Variants in AGAP1 observed in about 807,000 individuals in gnomAD.
AGAP1 encodes arf-GAP with GTPase, ANK repeat and PH domain-containing protein 1.
AGAP1 carries 29 observed loss-of-function variants against 105.3 expected under a neutral mutation model. The observed-to-expected ratio is 0.28, with a 90% CI of 0.21 to 0.38. AGAP1 has a LOEUF of 0.38. Among genes scored for constraint, AGAP1 ranks in the 10% least tolerant of loss-of-function variants. The probability of loss-of-function intolerance (pLI) is 1.00; values close to 1 mark genes in which losing one functional copy is unlikely to be tolerated. For missense variants in AGAP1, 998 were observed against 1,165.1 expected, an observed-to-expected ratio of 0.86 and a Z score of 2.09; for synonymous variants, 509 against 485.9, an observed-to-expected ratio of 1.05 and a Z score of -0.63.
intron 1 of AGAP1, among the ~76,000 whole-genome samples, chr2:235,533,486 A>C (rs905621900): frequency 1.3e-5 from 2 of 152,214 alleles, no homozygotes; most frequent in African/African-American, 2.4e-5. Context: ...ATGTCAGATA[A>C]TTAGGAACTG....
At position 235,977,225 on chromosome 2, in the gene AGAP1, T is replaced by C. The variant is rs2054898725; in HGVS notation, c.1645+8602T>C. Among the ~76,000 whole-genome samples, 1 of 152,082 alleles carries C rather than the reference T, an allele frequency of 6.6e-6. No individual in the cohort carries two copies. Among genetic ancestry groups the C allele is most frequent in the Admixed American group, 6.6e-5 (1 of 15,254 alleles). Reference sequence around the variant, plus strand: ...CTTGGGAGACCCTGCATTGGTCGACTTTCATTAGAATCTAGGATCTGTCTT... The same window carrying C: ...CTTGGGAGACCCTGCATTGGTCGACCTTCATTAGAATCTAGGATCTGTCTT... On this transcript the variant is annotated intron_variant, in intron 13 of 17. Coordinates refer to ENST00000304032, the MANE Select transcript of AGAP1 (RefSeq NM_001037131.3). The surrounding 1 kb of genome is among the most constrained non-coding windows in gnomAD (Gnocchi z 5.2).
At chr2:236,052,816 G>A (rs2057942536) in intron 16 of AGAP1, among the ~76,000 whole-genome samples, 1 of 152,168 alleles carries the variant, frequency 6.6e-6, no homozygotes, top group Non-Finnish European at 1.5e-5. Context: ...AAGCACGTTA[G>A]AAAACAGAGC....
At chr2:235,587,255 C>T (rs940651621) in intron 1 of AGAP1, among the ~76,000 whole-genome samples, 2 of 152,130 alleles carry the variant, frequency 1.3e-5, no homozygotes, top group Admixed American at 6.6e-5. Context: ...GAGGGGAGGA[C>T]GGAGGAGTCC....
At chr2:235,613,815 G>C (rs1946219428) in intron 1 of AGAP1, among the ~76,000 whole-genome samples, 1 of 152,214 alleles carries the variant, frequency 6.6e-6, no homozygotes, top group Non-Finnish European at 1.5e-5. Flanking sequence ...GTAGAATGAG[G>C]CTCCTCCTGC....
chr2:235,988,687 AGAC>A lies in AGAP1; in HGVS notation c.1645+20067_1645+20069del, dbSNP rs1185493297. 6.6e-6 allele frequency among the ~76,000 whole-genome samples: 1 copy of A among 152,184 alleles called. No homozygotes were observed. Among genetic ancestry groups the A allele is most frequent in the African/African-American group, 2.4e-5 (1 of 41,458 alleles). On this transcript the variant is annotated intron_variant, in intron 13 of 17. Transcript: ENST00000304032. The surrounding 1 kb of genome is among the most constrained non-coding windows in gnomAD (Gnocchi z 4.7). ...GCCCAGTGGGTAAATGGAATCTTAA[AGAC>A]GAGAAATGATTATTTTTTTCCCGCC...
At chr2:235,603,088 T>A (rs1001224653) in intron 1 of AGAP1, among the ~76,000 whole-genome samples, 6 of 152,128 alleles carry the variant, frequency 3.9e-5, no homozygotes, top group African/African-American at 1.4e-4. Context: ...TTCCCACGTG[T>A]TGTGGGAGGG....
chr2:235,907,758 G>A (rs553845086), intron 10 of AGAP1, among the ~76,000 whole-genome samples: 4 of 151,974 alleles, frequency 2.6e-5, no homozygotes, highest in African/African-American at 4.8e-5. Flanking sequence ...ACATTCTCCC[G>A]TATACCTTAA....
rs551122041 is a variant in AGAP1, at chr2:235,582,676, T to G, written c.163+87827T>G. ...CGGAGTGTACTTCAGAAGGAAGGAT[T>G]TAGCTGCTGGAGTGATGGCCGAAGG... On this transcript the variant is annotated intron_variant, in intron 1 of 17. Transcript: ENST00000304032. This position sits in a 1 kb window ranked among gnomAD's most constrained non-coding sequence, Gnocchi z 4.7. Among the ~76,000 whole-genome samples, 12 of 152,324 alleles carry G rather than the reference T, an allele frequency of 7.9e-5. No individual in the cohort carries two copies. In the South Asian group the frequency reaches 2.5e-3, roughly 32 times the overall value.
At chr2:235,880,747 A>T (rs2049979346) in intron 9 of AGAP1, among the ~76,000 whole-genome samples, 1 of 152,084 alleles carries the variant, frequency 6.6e-6, no homozygotes, top group Non-Finnish European at 1.5e-5. Context: ...CTCAAAAAAA[A>T]AAAAAACAAA....
chr2:235,989,383 G>A lies in AGAP1; in HGVS notation c.1645+20760G>A, dbSNP rs1264940673. 6.6e-6 allele frequency among the ~76,000 whole-genome samples: 1 copy of A among 152,198 alleles called. No individual in the cohort carries two copies. Among genetic ancestry groups the A allele is most frequent in the South Asian group, 2.1e-4 (1 of 4,826 alleles). On this transcript the variant is annotated intron_variant, in intron 13 of 17. Coordinates refer to ENST00000304032, the MANE Select transcript of AGAP1 (RefSeq NM_001037131.3). The surrounding 1 kb of genome is among the most constrained non-coding windows in gnomAD (Gnocchi z 4.4). Reference sequence around the variant, plus strand: ...CCCTTCCCCCAACTGGAACCATGGAGGGAGGAAGAACAGACCAGGTGAAAA... The same window carrying A: ...CCCTTCCCCCAACTGGAACCATGGAAGGAGGAAGAACAGACCAGGTGAAAA...
intron 1 of AGAP1, among the ~76,000 whole-genome samples, chr2:235,580,439 G>T (rs973583589): frequency 6.6e-6 from 1 of 151,688 alleles, no homozygotes; most frequent in Non-Finnish European, 1.5e-5. Context: ...CTTTTCCCTC[G>T]GTGCTTGTTG....
At position 235,664,702 on chromosome 2, in the gene AGAP1, C is replaced by G. The variant is rs141483826; in HGVS notation, c.164-44477C>G. Among the ~76,000 whole-genome samples the G allele has an allele frequency of 2.6e-5, 4 of 152,280 alleles. No homozygotes were observed. Among genetic ancestry groups the G allele is most frequent in the African/African-American group, 9.6e-5 (4 of 41,558 alleles). ...TGGAAATGAAGTCTCAGTGTGGGGT[C>G]CGATGCTTCCTATGGCTGCATGGAG... On this transcript the variant is annotated intron_variant, in intron 1 of 17. Coordinates refer to ENST00000304032, the MANE Select transcript of AGAP1 (RefSeq NM_001037131.3). This position sits in a 1 kb window ranked among gnomAD's most constrained non-coding sequence, Gnocchi z 5.7.
At chr2:235,520,008 C>G (rs755021545) in intron 1 of AGAP1, among the ~76,000 whole-genome samples, 11 of 152,170 alleles carry the variant, frequency 7.2e-5, no homozygotes, top group Non-Finnish European at 1.2e-4. Flanking sequence ...TTTCGAACTA[C>G]TGACCTCAGG....
intron 1 of AGAP1, among the ~76,000 whole-genome samples, chr2:235,668,669 C>T (rs917674337): frequency 3.3e-5 from 5 of 152,160 alleles, no homozygotes; most frequent in Non-Finnish European, 5.9e-5. Context: ...TTGTGGCCTC[C>T]GATAACATCC....
intron 10 of AGAP1, among the ~76,000 whole-genome samples, chr2:235,897,557 C>CCA (rs1473206805): frequency 1.3e-5 from 2 of 152,082 alleles, no homozygotes; most frequent in Non-Finnish European, 2.9e-5. Flanking sequence ...ACCAGTATGC[C>CCA]GCGTGATATG....
At chr2:235,749,220 G>A (rs573167641) in intron 5 of AGAP1, among the ~76,000 whole-genome samples, 2,912 of 89,766 alleles carry the variant, frequency 0.032, 89 homozygotes, top group African/African-American at 0.097. Flanking sequence ...TAAAAAAAAA[G>A]AAAAAAAAAG....
intron 13 of AGAP1, among the ~76,000 whole-genome samples, chr2:235,972,861 G>A (rs1044735660): frequency 2.0e-5 from 3 of 152,182 alleles, no homozygotes; most frequent in Admixed American, 2.0e-4. Context: ...GCAGGGGTAT[G>A]TGCTCCCCTC....
intron 1 of AGAP1, among the ~76,000 whole-genome samples, chr2:235,598,560 C>A (rs1215272954): frequency 6.6e-6 from 1 of 152,190 alleles, no homozygotes; most frequent in Non-Finnish European, 1.5e-5. Context: ...TGAGGACTTA[C>A]TGGATGACGT....
intron 12 of AGAP1, among the ~76,000 whole-genome samples, chr2:235,949,270 A>G (rs1243291898): frequency 6.6e-6 from 1 of 152,140 alleles, no homozygotes; most frequent in Non-Finnish European, 1.5e-5. Context: ...GCACTCAAAA[A>G]TTTTCAGATT....
Sources: allele counts gnomAD v4.1 joint callset (sites outside exome capture counted in the v4.1 genomes callset), GRCh38; gene constraint gnomAD v4.1.1; non-coding constraint Gnocchi (gnomAD v3.1); transcripts MANE v1.5; gene names NCBI Gene and HGNC (gene_info 2026-07-23, HGNC 2026-07-21).